TSPAN5: variants seen among roughly 807,000 people sequenced by gnomAD.
The protein encoded by TSPAN5 is tetraspanin 5.
Under a neutral mutation model 37.1 loss-of-function variants are expected in TSPAN5, and 10 were observed. That is an observed-to-expected ratio of 0.27 (90% CI 0.17 to 0.46). The LOEUF (loss-of-function observed/expected upper bound fraction) is 0.46, where lower values mean the gene tolerates loss of function less well. TSPAN5 is among the 20% of genes least tolerant of loss of function. The pLI is 1.00. For missense variants in TSPAN5, 195 were observed against 326.6 expected, an observed-to-expected ratio of 0.60 and a Z score of 3.11; for synonymous variants, 110 against 118.9, an observed-to-expected ratio of 0.93 and a Z score of 0.48.
At chr4:98,529,547 G>T (rs1754036608) in intron 1 of TSPAN5, among the ~76,000 whole-genome samples, 2 of 152,128 alleles carry the variant, frequency 1.3e-5, no homozygotes, top group South Asian at 4.1e-4. Context: ...ACACCATATC[G>T]TCACTTTCCA....
intron 1 of TSPAN5, among the ~76,000 whole-genome samples, chr4:98,637,513 G>A (rs773641281): frequency 6.6e-6 from 1 of 151,960 alleles, no homozygotes; most frequent in Non-Finnish European, 1.5e-5. Flanking sequence ...TATTCATTTT[G>A]CAAACAACAG....
intron 2 of TSPAN5, among the ~76,000 whole-genome samples, chr4:98,492,019 GTCTTCTGGGAACCTGAGGCCCCCGCC>G (rs1192453724): frequency 6.6e-6 from 1 of 152,166 alleles, no homozygotes; most frequent in East Asian, 1.9e-4. Flanking sequence ...CAGACACCTA[GTCTTCTGGGAACCTGAGGCCCCCGCC>G]TCTTCTGGGA....
chr4:98,559,008 A>C (rs1754817206), intron 1 of TSPAN5, among the ~76,000 whole-genome samples: 1 of 152,204 alleles, frequency 6.6e-6, no homozygotes, highest in Non-Finnish European at 1.5e-5. Context: ...CTCCCTTCAG[A>C]GTGGCAGAGC....
intron 1 of TSPAN5, among the ~76,000 whole-genome samples, chr4:98,614,239 T>C (rs1756266945): frequency 6.6e-6 from 1 of 152,172 alleles, no homozygotes; most frequent in Admixed American, 6.5e-5. Flanking sequence ...GAGTCTTATG[T>C]CTAAATCAAG....
At chr4:98,633,945 G>A (rs1756801121) in intron 1 of TSPAN5, among the ~76,000 whole-genome samples, 1 of 152,064 alleles carries the variant, frequency 6.6e-6, no homozygotes, top group Non-Finnish European at 1.5e-5. Context: ...CAGGCGTGGT[G>A]GCACACGCCT....
rs137907985 is a variant in TSPAN5, at chr4:98,568,470, A to C, written c.82-60742T>G. ...GGCAGGAGAATCGTTTGAACCCAGAAGGCAGAGGTTGCAGTGACCCGAGAT... is the reference window on the plus strand; with the variant it reads ...GGCAGGAGAATCGTTTGAACCCAGACGGCAGAGGTTGCAGTGACCCGAGAT... On this transcript the variant is annotated intron_variant, in intron 1 of 7. Transcript: ENST00000305798. 6.6e-3 allele frequency among the ~76,000 whole-genome samples: 1,001 copies of C among 151,644 alleles called. 22 individuals are homozygous for C. The highest frequency in any genetic ancestry group is 0.023 in the African/African-American group (937 of 41,270).
chr4:98,652,928 T>C (rs1757221429), intron 1 of TSPAN5, among the ~76,000 whole-genome samples: 1 of 152,278 alleles, frequency 6.6e-6, no homozygotes, highest in Admixed American at 6.5e-5. Context: ...GCGGAGTATA[T>C]CAAGTGAGAA....
rs189850347 is a variant in TSPAN5 at position 98,629,373 on chromosome 4, G to A, written c.81+28773C>T. 1.7e-3 allele frequency among the ~76,000 whole-genome samples: 253 copies of A among 152,294 alleles called. 1 individual carries two copies. In the Middle Eastern group the frequency reaches 0.034, roughly 20 times the overall value. ...AGTGCAGACATCTTAAAGGGTTACT[G>A]GGAGGATTAAATGAGCTGATACATA... On this transcript the variant is annotated intron_variant, in intron 1 of 7. Transcript: ENST00000305798.
chr4:98,594,243 CT>C (rs1310498867), intron 1 of TSPAN5, among the ~76,000 whole-genome samples: 3 of 131,346 alleles, frequency 2.3e-5, no homozygotes, highest in African/African-American at 1.0e-4. Context: ...CTCTGTTTGT[CT>C]GTTGTTGGTG....
chr4:98,553,805 G>C (rs573340572), intron 1 of TSPAN5, among the ~76,000 whole-genome samples: 1 of 152,092 alleles, frequency 6.6e-6, no homozygotes, highest in Non-Finnish European at 1.5e-5. Flanking sequence ...GGTGGCTCAC[G>C]CCTGTAATCC....
At chr4:98,604,117 G>A (rs1755948572) in intron 1 of TSPAN5, among the ~76,000 whole-genome samples, 1 of 151,328 alleles carries the variant, frequency 6.6e-6, no homozygotes, top group Non-Finnish European at 1.5e-5. Flanking sequence ...TTTCAATCAC[G>A]CAGCACTGCA....
intron 3 of TSPAN5, chr4:98,484,570 G>A (rs1173782853): frequency 2.2e-6 from 1 of 456,044 alleles, no homozygotes; most frequent in African/African-American, 2.0e-5. Context: ...GTAGTTTTCT[G>A]CCTGTTCAGT....
chr4:98,500,945 A>T (rs1030814279), intron 2 of TSPAN5, among the ~76,000 whole-genome samples: 5 of 152,118 alleles, frequency 3.3e-5, no homozygotes, highest in Non-Finnish European at 7.3e-5. Context: ...TTCAATTCAC[A>T]CTAAGGACCA....
chr4:98,537,214 G>T (rs1305432288), intron 1 of TSPAN5, among the ~76,000 whole-genome samples: 1 of 152,192 alleles, frequency 6.6e-6, no homozygotes, highest in Non-Finnish European at 1.5e-5. Context: ...CTCAGGCTCA[G>T]TCCCTCACGG....
chr4:98,520,295 G>A (rs1288040136), intron 1 of TSPAN5, among the ~76,000 whole-genome samples: 6 of 152,144 alleles, frequency 3.9e-5, no homozygotes, highest in Non-Finnish European at 5.9e-5. Context: ...TTTGTGTTCC[G>A]TTAAGTGAAA....
chr4:98,486,015 C>T (rs1251633609), intron 3 of TSPAN5, among the ~76,000 whole-genome samples: 1 of 152,134 alleles, frequency 6.6e-6, no homozygotes, highest in Non-Finnish European at 1.5e-5. Context: ...TCCATGCTGA[C>T]AGGCACATTT....
chr4:98,530,571 T>C (rs900808798), intron 1 of TSPAN5, among the ~76,000 whole-genome samples: 8 of 152,298 alleles, frequency 5.3e-5, no homozygotes, highest in South Asian at 4.1e-4. Flanking sequence ...GGGATGTGCA[T>C]TGGACTTGGG....
chr4:98,600,236 G>A (rs1303957832), intron 1 of TSPAN5, among the ~76,000 whole-genome samples: 1 of 152,172 alleles, frequency 6.6e-6, no homozygotes, highest in Non-Finnish European at 1.5e-5. Flanking sequence ...TTGCCTCAAT[G>A]TTGATGGCTG....
At chr4:98,545,464 A>ATATTTTTTCATTTAACCACACTGCT (rs1754449012) in intron 1 of TSPAN5, among the ~76,000 whole-genome samples, 1 of 152,128 alleles carries the variant, frequency 6.6e-6, no homozygotes, top group South Asian at 2.1e-4. Flanking sequence ...TGCAATATAT[A>ATATTTTTTCATTTAACCACACTGCT]TATTTTTTCA....
Sources: allele counts gnomAD v4.1 joint callset (sites outside exome capture counted in the v4.1 genomes callset), GRCh38; gene constraint gnomAD v4.1.1; transcripts MANE v1.5; gene names NCBI Gene and HGNC (gene_info 2026-07-23, HGNC 2026-07-21).